PTPRD: variants seen among roughly 807,000 people sequenced by gnomAD.
PTPRD encodes the protein receptor-type tyrosine-protein phosphatase delta.
Under a neutral mutation model 214.5 loss-of-function variants are expected in PTPRD, and 34 were observed. The ratio of observed to expected loss-of-function variants is 0.16; its 90% CI spans 0.12 to 0.21. PTPRD has a LOEUF of 0.21. Ranked by LOEUF, PTPRD falls within the 10% of genes least tolerant of loss-of-function variation. PTPRD has a pLI of 1.00. For synonymous variants in PTPRD, 1,128 were observed against 845.7 expected (o/e 1.33, Z -5.79); for missense variants, 2,545 against 2,398.7 (o/e 1.06, Z -1.27).
At chr9:9,874,864 T>A (rs149851015) in intron 5 of PTPRD, among the ~76,000 whole-genome samples, 91 of 152,278 alleles carry the variant, frequency 6.0e-4, no homozygotes, top group African/African-American at 2.1e-3. Flanking sequence ...TACATTATCC[T>A]GTGGTGCAGT....
At position 10,205,630 on chromosome 9, in the gene PTPRD, C is replaced by T. The variant is rs182733456; in HGVS notation, c.-545+135333G>A. ...CTATGTTGTTCAGGCTGGTCTTGAA[C>T]TCCAGACCTCAAATGATCCGCCTGC... On this transcript the variant is annotated intron_variant, in intron 3 of 45. Transcript: ENST00000381196. Among the ~76,000 whole-genome samples the T allele has an allele frequency of 8.5e-5, 13 of 152,126 alleles. No individual in the cohort carries two copies. In the East Asian group the frequency reaches 2.5e-3, roughly 29 times the overall value.
intron 14 of PTPRD, among the ~76,000 whole-genome samples, chr9:8,532,776 A>T (rs2076041404): frequency 6.6e-6 from 1 of 152,048 alleles, no homozygotes; most frequent in South Asian, 2.1e-4. Context: ...GTGCTTAGTG[A>T]ATCATAGAGT....
chr9:9,790,614 G>T (rs559916291), intron 5 of PTPRD, among the ~76,000 whole-genome samples: 7 of 152,170 alleles, frequency 4.6e-5, no homozygotes, highest in East Asian at 1.9e-4. Context: ...TATAAGTTTT[G>T]ATCAATTATT....
chr9:10,043,631 T>G (rs1180602400), intron 3 of PTPRD, among the ~76,000 whole-genome samples: 1 of 151,816 alleles, frequency 6.6e-6, no homozygotes, highest in Admixed American at 6.6e-5. Context: ...ATTCAGAGTG[T>G]TTTATGATGC....
chr9:9,305,007 G>C (rs1419674300), intron 9 of PTPRD, among the ~76,000 whole-genome samples: 1 of 148,056 alleles, frequency 6.8e-6, no homozygotes, highest in Non-Finnish European at 1.5e-5. Context: ...TTGTCCACTA[G>C]TTCCCTTAGT....
At chr9:10,384,020 G>C (rs2097866268) in intron 2 of PTPRD, among the ~76,000 whole-genome samples, 1 of 149,596 alleles carries the variant, frequency 6.7e-6, no homozygotes, top group African/African-American at 2.5e-5. Context: ...GGTTACCAAA[G>C]ACTGAGAAGG....
intron 5 of PTPRD, among the ~76,000 whole-genome samples, chr9:9,801,617 T>A (rs73396852): frequency 0.014 from 2,187 of 152,234 alleles, 52 homozygotes; most frequent in African/African-American, 0.049. Context: ...AAAGTAGTTT[T>A]ACCTGCAATT....
chr9:9,830,902 T>C (rs531019347), intron 5 of PTPRD, among the ~76,000 whole-genome samples: 14 of 152,044 alleles, frequency 9.2e-5, no homozygotes, highest in African/African-American at 3.1e-4. Flanking sequence ...AGAATCAAAA[T>C]TGTCCAACGT....
intron 12 of PTPRD, among the ~76,000 whole-genome samples, chr9:8,703,794 A>G (rs184825520): frequency 2.6e-5 from 4 of 152,254 alleles, no homozygotes; most frequent in Admixed American, 2.6e-4. Context: ...TGAGTTCTGG[A>G]TTCAAGTATC....
intron 12 of PTPRD, among the ~76,000 whole-genome samples, chr9:8,668,455 C>A (rs562115476): frequency 6.6e-6 from 1 of 152,164 alleles, no homozygotes; most frequent in Non-Finnish European, 1.5e-5. Flanking sequence ...CTCTTTCAGG[C>A]AACTGCAAGA....
At chr9:8,999,010 A>T (rs973428835) in intron 11 of PTPRD, among the ~76,000 whole-genome samples, 4 of 152,096 alleles carry the variant, frequency 2.6e-5, no homozygotes, top group Admixed American at 2.6e-4. Context: ...TTAATGGATG[A>T]GCAGTTGCAT....
At chr9:10,483,230 C>T (rs906515659) in intron 2 of PTPRD, among the ~76,000 whole-genome samples, 3 of 152,000 alleles carry the variant, frequency 2.0e-5, no homozygotes, top group South Asian at 2.1e-4. Context: ...TGGATAGCCA[C>T]GTGTAGAAAA....
At chr9:9,751,183 AAT>A (rs1491059708) in intron 6 of PTPRD, among the ~76,000 whole-genome samples, 1 of 150,316 alleles carries the variant, frequency 6.7e-6, no homozygotes, top group Admixed American at 6.9e-5. Flanking sequence ...ACTTAAAAAA[AAT>A]ATTTTTACAA....
intron 31 of PTPRD, 63 bp downstream of exon 31, chr9:8,470,932 G>C (rs1036485686): frequency 8.6e-6 from 12 of 1,389,350 alleles, no homozygotes; most frequent in African/African-American, 5.9e-5. Context: ...TCCAAGGGAG[G>C]GGGGCGGAAA....
chr9:9,849,465 A>G (rs1388865057), intron 5 of PTPRD, among the ~76,000 whole-genome samples: 2 of 152,162 alleles, frequency 1.3e-5, no homozygotes, highest in Admixed American at 6.6e-5. Context: ...GAAAGTCAAG[A>G]TATTACTATA....
chr9:10,405,738 T>A (rs1451983395), intron 2 of PTPRD, among the ~76,000 whole-genome samples: 4 of 151,466 alleles, frequency 2.6e-5, no homozygotes, highest in Non-Finnish European at 4.4e-5. Flanking sequence ...AAAGAATAAC[T>A]TCAACTAGTA....
intron 11 of PTPRD, among the ~76,000 whole-genome samples, chr9:8,839,320 ATT>A (rs2154532187): frequency 6.6e-6 from 1 of 151,594 alleles, no homozygotes; most frequent in South Asian, 2.1e-4. Flanking sequence ...TTATTTATTT[ATT>A]TATTTATTTA....
At chr9:9,980,394 G>A (rs1397336571) in intron 4 of PTPRD, among the ~76,000 whole-genome samples, 1 of 151,826 alleles carries the variant, frequency 6.6e-6, no homozygotes, top group South Asian at 2.1e-4. Context: ...GATCACCTGA[G>A]GTCAGGAGTT....
chr9:8,864,944 CAGCTTTGTACA>C (rs1440831389), intron 11 of PTPRD, among the ~76,000 whole-genome samples: 1 of 152,170 alleles, frequency 6.6e-6, no homozygotes, highest in African/African-American at 2.4e-5. Flanking sequence ...ATAAAGAAAA[CAGCTTTGTACA>C]AGCTAGTATT....
Sources: allele counts gnomAD v4.1 joint callset (sites outside exome capture counted in the v4.1 genomes callset), GRCh38; gene constraint gnomAD v4.1.1; transcripts MANE v1.5; gene names NCBI Gene and HGNC (gene_info 2026-07-23, HGNC 2026-07-21).